The following ARHGAP20 variants were observed in gnomAD, a reference collection of about 807,000 sequenced individuals.
ARHGAP20 encodes the protein rho GTPase-activating protein 20.
A neutral mutation model predicts 73.7 loss-of-function variants in ARHGAP20; 34 were observed. The observed-to-expected ratio is 0.46, with a 90% CI of 0.35 to 0.61. The LOEUF is 0.61. Among genes scored for constraint, ARHGAP20 ranks in the 20% least tolerant of loss-of-function variants. The probability of loss-of-function intolerance (pLI) is 0.00; values close to 1 mark genes in which losing one functional copy is unlikely to be tolerated. For missense variants in ARHGAP20, 1,314 were observed against 1,420.9 expected (o/e 0.92, Z 1.21); for synonymous variants, 523 against 518.2 (o/e 1.01, Z -0.13).
At chr11:110,646,924 G>A (rs749119155) in intron 2 of ARHGAP20, among the ~76,000 whole-genome samples, 5 of 151,906 alleles carry the variant, frequency 3.3e-5, no homozygotes, top group Admixed American at 2.6e-4. Context: ...AGGCAAGAGT[G>A]GAAGCACATA....
At chr11:110,640,821 G>C (rs1949062755) in intron 2 of ARHGAP20, among the ~76,000 whole-genome samples, 1 of 151,888 alleles carries the variant, frequency 6.6e-6, no homozygotes, top group African/African-American at 2.4e-5. Context: ...GTTAATGGGT[G>C]CAGCGCACCA....
intron 13 of ARHGAP20, 45 bp downstream of exon 13, chr11:110,583,503 C>T (rs777448678): frequency 1.1e-5 from 16 of 1,445,556 alleles, no homozygotes; most frequent in East Asian, 9.7e-5. Flanking sequence ...AGTTTCAAAA[C>T]GGGGACTCAG....
chr11:110,661,414 A>G (rs1334285550), intron 2 of ARHGAP20, among the ~76,000 whole-genome samples: 1 of 152,168 alleles, frequency 6.6e-6, no homozygotes, highest in East Asian at 1.9e-4. Flanking sequence ...GTTCAGTGAT[A>G]GTTTACTTCT....
intron 11 of ARHGAP20, among the ~76,000 whole-genome samples, chr11:110,590,076 A>G (rs540154865): frequency 6.6e-6 from 1 of 151,068 alleles, no homozygotes; most frequent in African/African-American, 2.4e-5. Context: ...AGCCGCAATC[A>G]TGCCATTGCA....
chr11:110,610,169 A>T (rs1027499346), intron 7 of ARHGAP20, among the ~76,000 whole-genome samples: 2 of 152,138 alleles, frequency 1.3e-5, no homozygotes, highest in Non-Finnish European at 2.9e-5. Flanking sequence ...AATGGAGGTG[A>T]CTACTTTACC....
At chr11:110,711,664 C>T in intron 1 of ARHGAP20, 1 of 1,466,500 alleles carries the variant, frequency 6.8e-7, no homozygotes, top group Non-Finnish European at 9.0e-7. Context: ...CTACCTTCTT[C>T]AGCGCCGGCT....
chr11:110,704,506 T>G (rs1950517231), intron 1 of ARHGAP20, among the ~76,000 whole-genome samples: 1 of 152,168 alleles, frequency 6.6e-6, no homozygotes, highest in Non-Finnish European at 1.5e-5. Flanking sequence ...TGCTGTCAGT[T>G]AGATGTTTCT....
chr11:110,635,154 T>C (rs147002389), intron 2 of ARHGAP20, among the ~76,000 whole-genome samples: 44 of 152,190 alleles, frequency 2.9e-4, no homozygotes, highest in African/African-American at 1.0e-3. Context: ...CTGGGTATAC[T>C]AAAAGTATGA....
At chr11:110,630,508 A>C (rs981873097) in intron 3 of ARHGAP20, 120 bp downstream of exon 3, 16 of 1,066,112 alleles carry the variant, frequency 1.5e-5, no homozygotes, top group Non-Finnish European at 2.2e-5. Context: ...AAATCACTTT[A>C]GATATTACCT....
At position 110,624,236 on chromosome 11, in the gene ARHGAP20, C is replaced by A. The variant is rs1591323746; in HGVS notation, c.429G>T (p.Val143=). Residue 143 remains valine, a synonymous_variant, in exon 4 of 15, where the codon GTG becomes GTT. Coordinates refer to ENST00000683387, the MANE Select transcript of ARHGAP20 (RefSeq NM_001384657.1). ...DMWTASCVDE[V]GEGNTNAMKS... is the part of the protein sequence containing the mutation. ...TCATGGCATTGGTGTTGCCTTCTCC[C>A]ACTTCATCCACACAGCTTGCTGTCC... 6.2e-7 allele frequency: 1 copy of A among 1,613,174 alleles called. No individual in the cohort carries two copies. The highest frequency in any genetic ancestry group is 1.1e-5 in the South Asian group (1 of 90,776).
At position 110,693,322 on chromosome 11, in the gene ARHGAP20, G is replaced by T. The variant is rs557058670; in HGVS notation, c.106-2693C>A. Among the ~76,000 whole-genome samples, 3 of 151,974 alleles carry T rather than the reference G, an allele frequency of 2.0e-5. No individual in the cohort carries two copies. In the East Asian group the frequency reaches 5.8e-4, roughly 29 times the overall value. ...AGACTTACTCTATCATTAATGAGATGTGCAACCCAAGGCAATTCAGCCACT... is the reference window on the plus strand; with the variant it reads ...AGACTTACTCTATCATTAATGAGATTTGCAACCCAAGGCAATTCAGCCACT... On this transcript the variant is annotated intron_variant, in intron 1 of 14. Coordinates refer to ENST00000683387, the MANE Select transcript of ARHGAP20 (RefSeq NM_001384657.1).
chr11:110,706,850 G>T (rs1435545058), intron 1 of ARHGAP20, among the ~76,000 whole-genome samples: 1 of 152,076 alleles, frequency 6.6e-6, no homozygotes, highest in Non-Finnish European at 1.5e-5. Context: ...TCACGTATCT[G>T]ATTTCATGCA....
At chr11:110,603,576 T>G (rs1429881603) in intron 9 of ARHGAP20, among the ~76,000 whole-genome samples, 1 of 152,182 alleles carries the variant, frequency 6.6e-6, no homozygotes, top group East Asian at 1.9e-4. Flanking sequence ...AGCAGATATG[T>G]TTTTTGAGTT....
chr11:110,606,685 T>A lies in ARHGAP20; in HGVS notation c.840A>T (p.Gly280=). 2 of 1,604,624 alleles carry A rather than the reference T, an allele frequency of 1.2e-6. No individual in the cohort carries two copies. The highest frequency in any genetic ancestry group is 2.2e-5 in the South Asian group (2 of 90,306). The change falls in exon 9 of 15, where the codon GGA becomes GGT. Residue 280 remains glycine (G), a synonymous_variant. Transcript: ENST00000683387. ...HLRDSALLTP[G]SKDSTTPFNL... The stretch of plus-strand genomic sequence containing the variant: ...TGAAAGGGGTGGTAGAGTCCTTTGA[T>A]CCCGGTGTCAGGAGTGCAGAGTCTC...
At chr11:110,653,105 A>T (rs1467484304) in intron 2 of ARHGAP20, among the ~76,000 whole-genome samples, 1 of 152,218 alleles carries the variant, frequency 6.6e-6, no homozygotes, top group Non-Finnish European at 1.5e-5. Context: ...GTAAAACCCC[A>T]AACTATAAAA....
At chr11:110,610,488 G>C (rs1391460556) in intron 7 of ARHGAP20, among the ~76,000 whole-genome samples, 2 of 152,098 alleles carry the variant, frequency 1.3e-5, no homozygotes, top group Non-Finnish European at 2.9e-5. Context: ...TCTCACTCAA[G>C]GAATAGTGTT....
intron 8 of ARHGAP20, among the ~76,000 whole-genome samples, chr11:110,606,997 T>C (rs1948249202): frequency 6.6e-6 from 1 of 152,282 alleles, no homozygotes. Flanking sequence ...TTGTTTGGAA[T>C]GAATGCACAG....
At chr11:110,695,868 A>G (rs1437512458) in intron 1 of ARHGAP20, among the ~76,000 whole-genome samples, 2 of 151,618 alleles carry the variant, frequency 1.3e-5, no homozygotes, top group Non-Finnish European at 3.0e-5. Context: ...CTTGCATATG[A>G]CTGCTTATAA....
intron 2 of ARHGAP20, among the ~76,000 whole-genome samples, chr11:110,683,068 G>C (rs942008105): frequency 6.6e-6 from 1 of 152,112 alleles, no homozygotes; most frequent in Non-Finnish European, 1.5e-5. Context: ...TGGAGATGGA[G>C]ATAGACAAAT....
Sources: allele counts gnomAD v4.1 joint callset (sites outside exome capture counted in the v4.1 genomes callset), GRCh38; gene constraint gnomAD v4.1.1; transcripts MANE v1.5; gene names NCBI Gene and HGNC (gene_info 2026-07-23, HGNC 2026-07-21).